Variants in ADAM32 observed in about 807,000 individuals in gnomAD.
ADAM32 encodes the protein disintegrin and metalloproteinase domain-containing protein 32.
A neutral mutation model predicts 114.9 loss-of-function variants in ADAM32; 89 were observed. That is an observed-to-expected ratio of 0.77 (90% confidence interval 0.65 to 0.92). The LOEUF (loss-of-function observed/expected upper bound fraction) is 0.92. Ranked by LOEUF, ADAM32 falls within the 40% of genes least tolerant of loss-of-function variation. ADAM32 has a pLI of 0.00. For synonymous variants in ADAM32, 285 were observed against 307.5 expected (o/e 0.93, Z 0.77); for missense variants, 870 against 932.8 (o/e 0.93, Z 0.88).
intron 11 of ADAM32, among the ~76,000 whole-genome samples, chr8:39,197,276 C>G (rs1190848231): frequency 6.6e-6 from 1 of 151,626 alleles, no homozygotes; most frequent in African/African-American, 2.4e-5. Context: ...TTACGTTTTC[C>G]AAAAATTAAT....
chr8:39,107,753 G>C lies in ADAM32; in HGVS notation c.-23G>C. On this transcript the variant is annotated 5_prime_UTR_variant, in exon 1 of 25. Transcript: ENST00000379907. ...ATTCCCGACTTCCCAACGGCTTCCCGCTGGCAGCCCCGAAGCCGCACCATG... is the reference window on the plus strand; with the variant it reads ...ATTCCCGACTTCCCAACGGCTTCCCCCTGGCAGCCCCGAAGCCGCACCATG... The C allele has an allele frequency of 1.3e-6, 2 of 1,550,148 alleles. No homozygotes were observed. The highest frequency in any genetic ancestry group is 1.7e-6 in the Non-Finnish European group (2 of 1,146,586).
At chr8:39,236,995 A>G (rs1810195848) in intron 16 of ADAM32, among the ~76,000 whole-genome samples, 1 of 152,168 alleles carries the variant, frequency 6.6e-6, no homozygotes, top group Non-Finnish European at 1.5e-5. Context: ...GCAGCTTGCC[A>G]CTACAAACTT....
intron 6 of ADAM32, among the ~76,000 whole-genome samples, chr8:39,159,784 A>G (rs1194139129): frequency 6.6e-6 from 1 of 152,160 alleles, no homozygotes; most frequent in African/African-American, 2.4e-5. Flanking sequence ...CAAAACACAT[A>G]ACCATAATTC....
At chr8:39,283,396 G>C (rs1203599651) in intron 23 of ADAM32, among the ~76,000 whole-genome samples, 190 bp from the exon 24 acceptor site, 2 of 121,422 alleles carry the variant, frequency 1.6e-5, no homozygotes, top group Admixed American at 2.0e-4. Flanking sequence ...GAGTGGCAAA[G>C]TGAAACTCCA....
intron 12 of ADAM32, among the ~76,000 whole-genome samples, chr8:39,220,512 T>G (rs1808887075): frequency 6.6e-6 from 1 of 152,130 alleles, no homozygotes; most frequent in Non-Finnish European, 1.5e-5. Context: ...ATTAGGTTGC[T>G]AATTTGAAAA....
At chr8:39,242,417 T>G (rs7014523) in intron 16 of ADAM32, among the ~76,000 whole-genome samples, 21,773 of 152,274 alleles carry the variant, frequency 0.14, 1,719 homozygotes, top group Middle Eastern at 0.26. Context: ...AAGACATACC[T>G]GAGACTGGGC....
intron 1 of ADAM32, among the ~76,000 whole-genome samples, chr8:39,109,998 G>A (rs1016430333): frequency 2.4e-5 from 3 of 127,456 alleles, no homozygotes; most frequent in East Asian, 4.2e-4. Flanking sequence ...ATTTTGGATG[G>A]ACTTTTTTTT....
At chr8:39,107,866 G>C (rs925860795) in intron 1 of ADAM32, 33 bp downstream of exon 1, 2 of 1,506,566 alleles carry the variant, frequency 1.3e-6, no homozygotes, top group African/African-American at 2.8e-5. Flanking sequence ...ACTAGTCCGG[G>C]CGCTCGTCAC....
chr8:39,166,084 G>A (rs1460153274), intron 9 of ADAM32: 1 of 152,066 alleles, frequency 6.6e-6, no homozygotes, highest in Non-Finnish European at 1.5e-5. Context: ...GGGTACAGGT[G>A]ATATTTGGTT....
chr8:39,217,544 T>C (rs1311956239), intron 12 of ADAM32, among the ~76,000 whole-genome samples: 4 of 152,104 alleles, frequency 2.6e-5, no homozygotes, highest in Non-Finnish European at 5.9e-5. Context: ...ATATGCTTTA[T>C]TCTTTTTTAT....
Position 39,186,921 on chromosome 8 carries a change from ATAACTC to A in ADAM32, c.930_935del (p.Ile310_Leu312delinsMet), listed in dbSNP as rs1269462620. ...GTTGTTATTATAGTACCCCAAGGAGATAACTCTGGAGGCATTTGCAGTTATTGTCAC... is the reference window on the plus strand; with the variant it reads ...GTTGTTATTATAGTACCCCAAGGAGATGGAGGCATTTGCAGTTATTGTCAC... On this transcript the variant is annotated inframe_deletion, in exon 11 of 25. Coordinates refer to ENST00000379907, the MANE Select transcript of ADAM32 (RefSeq NM_145004.7). The A allele has an allele frequency of 6.2e-7, 1 of 1,609,732 alleles. No homozygotes were observed.
intron 10 of ADAM32, among the ~76,000 whole-genome samples, chr8:39,175,199 G>A (rs1284165836): frequency 6.6e-6 from 1 of 151,976 alleles, no homozygotes; most frequent in East Asian, 1.9e-4. Flanking sequence ...TTATTGTCCT[G>A]GCCAGAACTT....
At chr8:39,200,653 T>A (rs1475057584) in intron 11 of ADAM32, among the ~76,000 whole-genome samples, 1 of 152,226 alleles carries the variant, frequency 6.6e-6, no homozygotes, top group Non-Finnish European at 1.5e-5. Flanking sequence ...CAATTTTGGC[T>A]TTTGTTGCCA....
chr8:39,173,550 C>T (rs1167579996), intron 10 of ADAM32, among the ~76,000 whole-genome samples: 1 of 151,696 alleles, frequency 6.6e-6, no homozygotes, highest in East Asian at 1.9e-4. Flanking sequence ...TCCTTGTAGA[C>T]TCTGTAGATT....
chr8:39,219,285 C>T (rs1808790786), intron 12 of ADAM32, among the ~76,000 whole-genome samples: 1 of 152,090 alleles, frequency 6.6e-6, no homozygotes, highest in Admixed American at 6.6e-5. Context: ...AGGTCACTTG[C>T]CCCTGCAGTC....
At chr8:39,185,006 T>C (rs7843711) in intron 10 of ADAM32, among the ~76,000 whole-genome samples, 37,586 of 151,974 alleles carry the variant, frequency 0.25, 5,016 homozygotes, top group Non-Finnish European at 0.29. Context: ...GCTCATGCCT[T>C]TAATCCCAGC....
At chr8:39,129,161 A>G (rs1802293161) in intron 2 of ADAM32, among the ~76,000 whole-genome samples, 1 of 140,168 alleles carries the variant, frequency 7.1e-6, no homozygotes, top group East Asian at 2.0e-4. Context: ...GGGAGTTTCT[A>G]CAAACAGGAT....
chr8:39,229,449 G>A (rs1315193646), intron 14 of ADAM32, among the ~76,000 whole-genome samples: 1 of 152,080 alleles, frequency 6.6e-6, no homozygotes, highest in African/African-American at 2.4e-5. Flanking sequence ...CTGCCTTTAG[G>A]AGACTCACCT....
chr8:39,210,617 C>T (rs1294684450), intron 11 of ADAM32, among the ~76,000 whole-genome samples: 1 of 152,174 alleles, frequency 6.6e-6, no homozygotes, highest in Non-Finnish European at 1.5e-5. Flanking sequence ...CAGTTTCTTC[C>T]TTGCCTTACA....
Sources: allele counts gnomAD v4.1 joint callset (sites outside exome capture counted in the v4.1 genomes callset), GRCh38; gene constraint gnomAD v4.1.1; transcripts MANE v1.5; gene names NCBI Gene and HGNC (gene_info 2026-07-23, HGNC 2026-07-21).